Variants in GREB1L observed in about 807,000 individuals in gnomAD.
GREB1L encodes GREB1-like protein.
In GREB1L, 17 loss-of-function variants were observed where a neutral mutation model predicts 200.8. The ratio of observed to expected loss-of-function variants is 0.08; its 90% CI spans 0.06 to 0.13. The LOEUF (loss-of-function observed/expected upper bound fraction) is 0.13. Among genes scored for constraint, GREB1L ranks in the 10% least tolerant of loss-of-function variants. The pLI is 1.00. For synonymous variants in GREB1L, 789 were observed against 893.0 expected (o/e 0.88, Z 2.08); for missense variants, 1,657 against 2,367.7 (o/e 0.70, Z 6.23).
chr18:21,519,181 G>A (rs1002917921), intron 31 of GREB1L, among the ~76,000 whole-genome samples: 1 of 152,094 alleles, frequency 6.6e-6, no homozygotes, highest in African/African-American at 2.4e-5. Flanking sequence ...CAGATATAAA[G>A]GCCAGGCATA....
intron 1 of GREB1L, among the ~76,000 whole-genome samples, chr18:21,279,601 T>C (rs1444775163): frequency 6.6e-6 from 1 of 152,224 alleles, no homozygotes; most frequent in Admixed American, 6.5e-5. Context: ...ACTGCGAATT[T>C]AGCGGGTTTA....
intron 31 of GREB1L, among the ~76,000 whole-genome samples, chr18:21,520,308 A>G (rs1050594517): frequency 1.3e-5 from 2 of 152,102 alleles, no homozygotes; most frequent in Non-Finnish European, 1.5e-5. Context: ...CTGATCAAAA[A>G]TATTTTTTAT....
intron 7 of GREB1L, among the ~76,000 whole-genome samples, chr18:21,427,512 CA>C (rs1253360550): frequency 6.8e-6 from 1 of 146,762 alleles, no homozygotes; most frequent in Non-Finnish European, 1.5e-5. Context: ...CTCAAAAAAA[CA>C]AAAAACAAAA....
chr18:21,523,015 G>A lies in GREB1L; in HGVS notation c.*194G>A. The A allele has an allele frequency of 1.9e-6, 1 of 523,480 alleles. No homozygotes were observed. The highest frequency in any genetic ancestry group is 3.2e-5 in the East Asian group (1 of 31,604). The allele number at this position is 523,480 out of a possible 1,614,324, so 32.4% of individuals were successfully genotyped here. A position where few individuals can be genotyped will look rare whatever the true frequency, so the allele number is the denominator to read the frequency against. On this transcript the variant is annotated 3_prime_UTR_variant, in exon 33 of 33. Transcript: ENST00000424526. ...TCACTTTCCTTCAGTTCCAATTACA[G>A]GACCCTTAAATTCAGGTAAACTCTA...
At chr18:21,369,942 CCA>C (rs2039811065) in intron 2 of GREB1L, among the ~76,000 whole-genome samples, 1 of 144,262 alleles carries the variant, frequency 6.9e-6, no homozygotes, top group Non-Finnish European at 1.5e-5. Flanking sequence ...GAGCGAGACT[CCA>C]TCTCAAAAAA....
chr18:21,382,525 CTT>C (rs1370129118), intron 2 of GREB1L, among the ~76,000 whole-genome samples: 1 of 139,466 alleles, frequency 7.2e-6, no homozygotes, highest in African/African-American at 2.7e-5. Context: ...GAGTTTTGCT[CTT>C]GTCGCCCAGG....
At position 21,321,611 on chromosome 18, in the gene GREB1L, C is replaced by T. The variant is rs1338092225; in HGVS notation, c.-119-44416C>T. ...CTGAGGCAGGAGAATCACTTGAACC[C>T]GGGAGGCAGAGTTTGCAGTGAGCTG... On this transcript the variant is annotated intron_variant, in intron 1 of 32. Coordinates refer to ENST00000424526, the MANE Select transcript of GREB1L (RefSeq NM_001142966.3). 5.3e-5 allele frequency among the ~76,000 whole-genome samples: 8 copies of T among 152,080 alleles called. No individual in the cohort carries two copies. In the East Asian group the frequency reaches 7.8e-4, roughly 15 times the overall value.
At chr18:21,438,217 G>C (rs910497588) in intron 7 of GREB1L, among the ~76,000 whole-genome samples, 2 of 152,062 alleles carry the variant, frequency 1.3e-5, no homozygotes, top group Non-Finnish European at 2.9e-5. Context: ...AGACTGCAGC[G>C]AGCTGTGATT....
chr18:21,397,657 C>T (rs2041140722), intron 5 of GREB1L, among the ~76,000 whole-genome samples: 1 of 152,004 alleles, frequency 6.6e-6, no homozygotes, highest in Non-Finnish European at 1.5e-5. Context: ...GCCAAGATGG[C>T]GCCCCTGCAC....
chr18:21,414,177 T>G (rs2031382566), intron 7 of GREB1L, among the ~76,000 whole-genome samples: 1 of 152,104 alleles, frequency 6.6e-6, no homozygotes, highest in Non-Finnish European at 1.5e-5. Context: ...ATTGAGCAAA[T>G]CGTGACATAC....
chr18:21,394,055 CCTG>C (rs1642180520), intron 4 of GREB1L, among the ~76,000 whole-genome samples: 1 of 152,200 alleles, frequency 6.6e-6, no homozygotes, highest in Non-Finnish European at 1.5e-5. Context: ...CTTTCAGCCT[CCTG>C]CCTGTGCTGA....
At chr18:21,519,532 GATGT>G (rs2037539550) in intron 31 of GREB1L, among the ~76,000 whole-genome samples, 1 of 152,128 alleles carries the variant, frequency 6.6e-6, no homozygotes, top group Non-Finnish European at 1.5e-5. Context: ...TACTGTAAAA[GATGT>G]ATGTAATTTA....
chr18:21,264,272 GA>G (rs796467054), intron 1 of GREB1L, among the ~76,000 whole-genome samples: 89 of 136,860 alleles, frequency 6.5e-4, no homozygotes, highest in South Asian at 1.4e-3. Context: ...TCTGCATCCA[GA>G]AAAAAAAAAA....
intron 2 of GREB1L, among the ~76,000 whole-genome samples, chr18:21,370,524 A>G (rs8093992): frequency 0.16 from 24,371 of 152,192 alleles, 4,355 homozygotes; most frequent in African/African-American, 0.44. Flanking sequence ...GAAAGAGCAT[A>G]TAAGCAGAAA....
At chr18:21,504,153 A>G (rs1166775577) in intron 23 of GREB1L, among the ~76,000 whole-genome samples, 1 of 151,310 alleles carries the variant, frequency 6.6e-6, no homozygotes, top group Non-Finnish European at 1.5e-5. Context: ...CGAATTCCTG[A>G]CCTCAAATGA....
intron 1 of GREB1L, among the ~76,000 whole-genome samples, chr18:21,287,565 A>T (rs899556435): frequency 6.6e-6 from 1 of 152,160 alleles, no homozygotes; most frequent in Non-Finnish European, 1.5e-5. Flanking sequence ...TGTTCCCTGT[A>T]GGAGCCTAGT....
intron 15 of GREB1L, among the ~76,000 whole-genome samples, chr18:21,465,154 ATATTAT>A (rs1457718167): frequency 6.6e-6 from 1 of 152,176 alleles, no homozygotes; most frequent in African/African-American, 2.4e-5. Flanking sequence ...AGTGTAAAAT[ATATTAT>A]TATTAACTAT....
intron 1 of GREB1L, among the ~76,000 whole-genome samples, chr18:21,328,590 G>A (rs1440746257): frequency 6.6e-6 from 1 of 152,056 alleles, no homozygotes; most frequent in Non-Finnish European, 1.5e-5. Flanking sequence ...TGCTCAGGGG[G>A]GTCTATTTGG....
intron 1 of GREB1L, among the ~76,000 whole-genome samples, chr18:21,246,939 A>G (rs2143860683): frequency 6.6e-6 from 1 of 152,356 alleles, no homozygotes; most frequent in South Asian, 2.1e-4. Flanking sequence ...CAAATGGATA[A>G]TGAAGTTATG....
Sources: gnomAD v4.1 joint callset for allele counts (sites outside exome capture counted in the v4.1 genomes callset) on GRCh38, gnomAD v4.1.1 for gene constraint, MANE v1.5 for transcripts, NCBI Gene and HGNC (gene_info 2026-07-23, HGNC 2026-07-21) for gene names.